The following MUC5AC variants were observed in gnomAD, a reference collection of about 807,000 sequenced individuals.
The protein encoded by MUC5AC is mucin 5AC, oligomeric mucus/gel-forming.
Under a neutral mutation model 169.7 loss-of-function variants are expected in MUC5AC, and 158 were observed. The ratio of observed to expected loss-of-function variants is 0.93; its 90% CI spans 0.82 to 1.06. MUC5AC has a LOEUF of 1.06. Among genes scored for constraint, MUC5AC ranks in the 50% least tolerant of loss-of-function variants. The pLI is 0.00. For missense variants in MUC5AC, 4,359 were observed against 3,089.9 expected (o/e 1.41, Z -9.74); for synonymous variants, 1,975 against 1,237.0 (o/e 1.60, Z -12.52).
rs1590146274 is a variant in MUC5AC, at chr11:1,187,358, T to C, written c.9213T>C (p.Val3071=). Residue 3071 remains valine (V), a synonymous_variant, in exon 31 of 49, where the codon GTT becomes GTC. Transcript: ENST00000621226. ...GTCCTGGAACTACCCCAAGCCCTGT[T>C]CCCACCACCAGCACAACCTCTGCTC... The part of the protein sequence containing the change: ...TSGPGTTPSP[V]PTTSTTSAPT... The C allele has an allele frequency of 1.3e-6, 1 of 741,128 alleles. No individual in the cohort carries two copies. The highest frequency in any genetic ancestry group is 1.8e-5 in the African/African-American group (1 of 57,068). The allele number at this position is 741,128 out of a possible 1,614,324, so 45.9% of individuals were successfully genotyped here. A position where few individuals can be genotyped will look rare whatever the true frequency, so the allele number is the denominator to read the frequency against.
rs1860953658 is a variant in MUC5AC at position 1,186,639 on chromosome 11, C to G, written c.8494C>G (p.Pro2832Ala). The change falls in exon 31 of 49, where the codon CCT becomes GCT. Residue 2832 changes from proline to alanine, a missense_variant. Pro to Ala is a conservative substitution (Grantham distance 27). Coordinates refer to ENST00000621226, the MANE Select transcript of MUC5AC (RefSeq NM_001304359.2). ...SAPTTSTTSG[P>A]GTTSSPVPTT... ...TCCTACAACCAGCACAACTTCTGGTCCTGGAACTACTTCAAGCCCTGTTCC... is the reference window on the plus strand; with the variant it reads ...TCCTACAACCAGCACAACTTCTGGTGCTGGAACTACTTCAAGCCCTGTTCC... 8 of 733,268 alleles carry G rather than the reference C, an allele frequency of 1.1e-5. No individual in the cohort carries two copies. Among genetic ancestry groups the G allele is most frequent in the Non-Finnish European group, 2.0e-5 (8 of 401,982 alleles). The allele number at this position is 733,268 out of a possible 1,614,324, so 45.4% of individuals were successfully genotyped here. A position where few individuals can be genotyped will look rare whatever the true frequency, so the allele number is the denominator to read the frequency against.
At position 1,191,443 on chromosome 11, in the gene MUC5AC, C is replaced by T. The variant is rs1861094173; in HGVS notation, c.13298C>T (p.Thr4433Ile). 5.4e-6 allele frequency: 4 copies of T among 747,654 alleles called. No individual in the cohort carries two copies. Among genetic ancestry groups the T allele is most frequent in the Non-Finnish European group, 4.9e-6 (2 of 408,206 alleles). The allele number at this position is 747,654 out of a possible 1,614,324, so 46.3% of individuals were successfully genotyped here. The change falls in exon 31 of 49, where the codon ACA becomes ATA. Residue 4433 changes from threonine (T) to isoleucine (I), a missense_variant. Transcript: ENST00000621226. ...TRTTPASTAS[T>I]TSGPGTTPSP... ...ACAACCCCTGCCTCTACAGCCAGCA[C>T]AACCTCTGGTCCTGGAACTACTCCC...
In MUC5AC at chr11:1,200,549, C is replaced by T; in HGVS notation, c.16812C>T (p.Phe5604=). Residue 5604 remains phenylalanine, a synonymous_variant, in exon 49 of 49, where the codon TTC becomes TTT. Coordinates refer to ENST00000621226, the MANE Select transcript of MUC5AC (RefSeq NM_001304359.2). ...LHCTDGSSRA[F]SYTEVEECGC... ...GCACCGACGGCTCCAGCCGGGCCTT[C>T]AGCTACACCGAGGTGGAAGAGTGCG... 1.3e-6 allele frequency: 1 copy of T among 764,404 alleles called. No homozygotes were observed. The highest frequency in any genetic ancestry group is 2.4e-6 in the Non-Finnish European group (1 of 417,506). 47.4% of individuals were successfully genotyped at this position (764,404 alleles called of 1,614,324 possible).
At chr11:1,170,405 TCACCTAC>T (rs1860470315) in intron 15 of MUC5AC, among the ~76,000 whole-genome samples, 1 of 124,048 alleles carries the variant, frequency 8.1e-6, no homozygotes, top group African/African-American at 3.1e-5. Flanking sequence ...ATTCACCCAC[TCACCTAC>T]TCACCCACTC....
At chr11:1,164,603 G>A (rs927630066) in intron 9 of MUC5AC, 71 bp downstream of exon 9, 21 of 1,512,550 alleles carry the variant, frequency 1.4e-5, no homozygotes, top group Non-Finnish European at 1.8e-5. Context: ...CCATGGCCAA[G>A]CCTCGGAAGA....
At position 1,197,437 on chromosome 11, in the gene MUC5AC, G is replaced by A. The variant is rs373555266; in HGVS notation, c.15862-31G>A. 7 of 700,254 alleles carry A rather than the reference G, an allele frequency of 1.0e-5. 1 individual carries two copies. The Middle Eastern group carries it at 1.1e-3, about 110-fold the overall frequency. 43.4% of individuals were successfully genotyped at this position (700,254 alleles called of 1,614,324 possible). A position where few individuals can be genotyped will look rare whatever the true frequency, so the allele number is the denominator to read the frequency against. ...CTGCACCCCTGGGTGGAGCCGCTGC[G>A]GACGCTGGACCTCAGTCCCCTTCCT... On this transcript the variant is annotated intron_variant, in intron 40 of 48. Transcript: ENST00000621226.
rs753005057 is a variant in MUC5AC at position 1,194,295 on chromosome 11, C to T, written c.14941C>T (p.Leu4981=). 4 of 758,686 alleles carry T rather than the reference C, an allele frequency of 5.3e-6. No individual in the cohort carries two copies. Among genetic ancestry groups the T allele is most frequent in the Middle Eastern group, 2.3e-4 (1 of 4,430 alleles). The allele number at this position is 758,686 out of a possible 1,614,324, so 47.0% of individuals were successfully genotyped here. A position where few individuals can be genotyped will look rare whatever the true frequency, so the allele number is the denominator to read the frequency against. ...DGLSCPRSII[L]EYHQDRVVLT... is the part of the protein sequence containing the mutation. ...GCTCTCCTGCCCGAGGTCCATCATC[C>T]TGGAGTACCACCAGGACCGCGTGGT... The change falls in exon 34 of 49, where the codon CTG becomes TTG. Residue 4981 remains leucine, a synonymous_variant. Coordinates refer to ENST00000621226, the MANE Select transcript of MUC5AC (RefSeq NM_001304359.2).
At chr11:1,194,445 C>T (rs1368464459) in intron 34 of MUC5AC, 42 bp from the exon 35 acceptor site, 9 of 720,946 alleles carry the variant, frequency 1.2e-5, no homozygotes, top group Admixed American at 9.3e-5. Context: ...ACCGCCCGCC[C>T]GCCTGCCTTC....
intron 34 of MUC5AC, 28 bp from the exon 35 acceptor site, chr11:1,194,459 C>T (rs1236964100): frequency 1.4e-6 from 1 of 733,178 alleles, no homozygotes; most frequent in East Asian, 2.5e-5. Flanking sequence ...TGCCTTCTGA[C>T]TTCCCGTCGA....
chr11:1,172,155 TGGAA>T (rs1860565857), intron 15 of MUC5AC, among the ~76,000 whole-genome samples: 2 of 152,216 alleles, frequency 1.3e-5, no homozygotes, highest in Admixed American at 1.3e-4. Flanking sequence ...CTAGCGTCCC[TGGAA>T]GGCGGCACTG....
chr11:1,160,778 G>A, intron 2 of MUC5AC, 89 bp downstream of exon 2: 1 of 1,364,674 alleles, frequency 7.3e-7, no homozygotes, highest in Non-Finnish European at 1.0e-6. Context: ...TGGTCTTAGG[G>A]TGGCTCCCCA....
At position 1,168,746 on chromosome 11, in the gene MUC5AC, C is replaced by A; in HGVS notation, c.1672C>A (p.Gln558Lys). The A allele has an allele frequency of 6.2e-7, 1 of 1,607,582 alleles. No individual in the cohort carries two copies. Among genetic ancestry groups the A allele is most frequent in the Non-Finnish European group, 8.5e-7 (1 of 1,175,774 alleles). Reference sequence around the variant, plus strand: ...GGTGCCCACCATGCAGCTGTTCATGCAGCTGGCGCCCAAGCTCCGTGGGCA... The same window carrying A: ...GGTGCCCACCATGCAGCTGTTCATGAAGCTGGCGCCCAAGCTCCGTGGGCA... ...QLVPTMQLFMQLAPKLRGQTC... is the reference protein window; with the variant it reads ...QLVPTMQLFMKLAPKLRGQTC... Residue 558 changes from glutamine (Q) to lysine (K), a missense_variant, in exon 14 of 49, where the codon CAG (glutamine) becomes AAG (lysine). Transcript: ENST00000621226.
At chr11:1,196,964 G>A in intron 40 of MUC5AC, 56 bp downstream of exon 40, 1 of 737,460 alleles carries the variant, frequency 1.4e-6, no homozygotes, top group South Asian at 1.4e-5. Flanking sequence ...CGAGGAGGGA[G>A]GCTCTTGAAA....
At position 1,161,899 on chromosome 11, in the gene MUC5AC, C is replaced by T; in HGVS notation, c.212-8C>T. 1 of 1,609,506 alleles carries T rather than the reference C, an allele frequency of 6.2e-7. No individual in the cohort carries two copies. The highest frequency in any genetic ancestry group is 8.5e-7 in the Non-Finnish European group (1 of 1,178,656). On this transcript the variant is annotated splice_polypyrimidine_tract_variant and splice_region_variant and intron_variant, in intron 3 of 48. Coordinates refer to ENST00000621226, the MANE Select transcript of MUC5AC (RefSeq NM_001304359.2). The stretch of plus-strand genomic sequence containing the variant: ...ACGCCCCCAAACACCATGCTGCTTC[C>T]ACCGCAGCCTCCAACCCGGCGCACA...
chr11:1,194,582 G>C lies in MUC5AC; in HGVS notation c.15102G>C (p.Glu5034Asp), dbSNP rs1374888122. 1.3e-6 allele frequency: 1 copy of C among 764,640 alleles called. No homozygotes were observed. 47.4% of individuals were successfully genotyped at this position (764,640 alleles called of 1,614,324 possible). ...TCAAGATGTACGCGACCATCCCGGA[G>C]CTGGGAGTCCAGGTCATGTTCTCCG... ...IGVKMYATIP[E>D]LGVQVMFSGL... is the part of the protein sequence containing the mutation. Residue 5034 changes from glutamate to aspartate, a missense_variant, in exon 35 of 49, where the codon GAG becomes GAC. Glu to Asp is a conservative substitution (Grantham distance 45). Transcript: ENST00000621226.
intron 9 of MUC5AC, among the ~76,000 whole-genome samples, 159 bp from the exon 10 acceptor site, chr11:1,165,142 GC>G (rs1860283189): frequency 6.7e-6 from 1 of 150,336 alleles, no homozygotes; most frequent in Admixed American, 6.6e-5. Context: ...GCTGGCTGAT[GC>G]CCCTGTCCCG....
chr11:1,161,057 C>T (rs1045594683), intron 2 of MUC5AC, among the ~76,000 whole-genome samples: 28 of 152,338 alleles, frequency 1.8e-4, no homozygotes, highest in African/African-American at 6.5e-4. Context: ...TGGCGCCGGC[C>T]GTCCCCATGT....
chr11:1,191,894 C>T lies in MUC5AC; in HGVS notation c.13749C>T (p.Thr4583=), dbSNP rs200209677. Residue 4583 remains threonine, a synonymous_variant, in exon 31 of 49, where the codon ACC becomes ACT. Transcript: ENST00000621226. ...CCAGCACAACCTCTGCTCCTACAAC[C>T]AGCACGACCTCTGGTCCTGGAACTA... ...PTTSTTSAPT[T]STTSGPGTTP... is the part of the protein sequence containing the mutation. The T allele has an allele frequency of 5.4e-5, 41 of 762,644 alleles. No individual in the cohort carries two copies. Among genetic ancestry groups the T allele is most frequent in the Non-Finnish European group, 9.6e-5 (40 of 417,420 alleles). The allele number at this position is 762,644 out of a possible 1,614,324, so 47.2% of individuals were successfully genotyped here. A position where few individuals can be genotyped will look rare whatever the true frequency, so the allele number is the denominator to read the frequency against.
chr11:1,169,623 C>A, intron 15 of MUC5AC, among the ~76,000 whole-genome samples: 1 of 141,356 alleles, frequency 7.1e-6, no homozygotes, highest in South Asian at 2.3e-4. Context: ...ACTCACTCAC[C>A]TCACTCACTC....
Sources: allele counts gnomAD v4.1 joint callset (sites outside exome capture counted in the v4.1 genomes callset), GRCh38; gene constraint gnomAD v4.1.1; transcripts MANE v1.5; gene names NCBI Gene and HGNC (gene_info 2026-07-23, HGNC 2026-07-21).